The following CNTNAP2 variants were observed in gnomAD, a reference collection of about 807,000 sequenced individuals.
CNTNAP2 encodes the protein contactin-associated protein-like 2.
CNTNAP2 carries 98 observed loss-of-function variants against 155.2 expected under a neutral mutation model. The observed-to-expected ratio is 0.63, with a 90% CI of 0.54 to 0.75. The LOEUF is 0.75. CNTNAP2 is among the 30% of genes least tolerant of loss of function. CNTNAP2 has a pLI of 0.00. For synonymous variants in CNTNAP2, 651 were observed against 631.2 expected, an observed-to-expected ratio of 1.03 and a Z score of -0.47; for missense variants, 1,727 against 1,688.1, an observed-to-expected ratio of 1.02 and a Z score of -0.40.
intron 1 of CNTNAP2, among the ~76,000 whole-genome samples, chr7:146,707,348 G>A (rs969617131): frequency 1.3e-5 from 2 of 152,164 alleles, no homozygotes; most frequent in Admixed American, 6.5e-5. Context: ...ATTGTCTTCA[G>A]TATAACCTTC....
intron 15 of CNTNAP2, among the ~76,000 whole-genome samples, chr7:148,077,865 G>A (rs1184069106): frequency 2.0e-5 from 3 of 152,092 alleles, no homozygotes; most frequent in Non-Finnish European, 1.5e-5. Context: ...ATAAAATTCA[G>A]CAAGCTTCTG....
At chr7:146,370,431 C>T (rs1249608980) in intron 1 of CNTNAP2, among the ~76,000 whole-genome samples, 1 of 151,514 alleles carries the variant, frequency 6.6e-6, no homozygotes, top group Non-Finnish European at 1.5e-5. Flanking sequence ...GAGCGAGACT[C>T]CTTTTCAAAA....
intron 3 of CNTNAP2, among the ~76,000 whole-genome samples, chr7:146,885,971 G>A (rs921131082): frequency 8.5e-6 from 1 of 118,238 alleles, no homozygotes; most frequent in African/African-American, 3.4e-5. Context: ...GTGTGTGTGT[G>A]TGTATGTGCT....
In CNTNAP2 at chr7:148,233,502, C is replaced by T. The variant is rs187003644; in HGVS notation, c.3381+3723C>T. Reference sequence around the variant, plus strand: ...GAAGTATGCAACCCATAAGGATGAACTAAGCCAGTTCCTCTTGAGAATTGA... The same window carrying T: ...GAAGTATGCAACCCATAAGGATGAATTAAGCCAGTTCCTCTTGAGAATTGA... On this transcript the variant is annotated intron_variant, in intron 20 of 23. Coordinates refer to ENST00000361727, the MANE Select transcript of CNTNAP2 (RefSeq NM_014141.6). Among the ~76,000 whole-genome samples the T allele has an allele frequency of 7.2e-5, 11 of 152,312 alleles. No individual in the cohort carries two copies. In the East Asian group the frequency reaches 9.6e-4, roughly 13 times the overall value.
At chr7:146,273,085 A>AG (rs1491469672) in intron 1 of CNTNAP2, among the ~76,000 whole-genome samples, 8,532 of 141,972 alleles carry the variant, frequency 0.06, 772 homozygotes, top group African/African-American at 0.22. Context: ...AGAGAAAGAG[A>AG]AAGAGAGAGA....
intron 4 of CNTNAP2, among the ~76,000 whole-genome samples, chr7:147,084,757 G>T (rs1197254776): frequency 1.4e-5 from 2 of 147,090 alleles, no homozygotes; most frequent in Non-Finnish European, 3.0e-5. Context: ...TATAATATGT[G>T]ATATATGATA....
At chr7:146,164,838 C>G (rs960859266) in intron 1 of CNTNAP2, among the ~76,000 whole-genome samples, 2 of 152,098 alleles carry the variant, frequency 1.3e-5, no homozygotes, top group African/African-American at 4.8e-5. Flanking sequence ...TAGATCTCAT[C>G]TTTCTGGGAG....
chr7:146,390,543 A>G (rs1364756119), intron 1 of CNTNAP2, among the ~76,000 whole-genome samples: 4 of 151,008 alleles, frequency 2.6e-5, no homozygotes, highest in East Asian at 3.9e-4. Flanking sequence ...ATATATGTAT[A>G]TATATACACA....
chr7:148,118,163 T>C lies in CNTNAP2; in HGVS notation c.2429T>C (p.Leu810Pro). 1 of 1,614,216 alleles carries C rather than the reference T, an allele frequency of 6.2e-7. No individual in the cohort carries two copies. Among genetic ancestry groups the C allele is most frequent in the Non-Finnish European group, 8.5e-7 (1 of 1,180,032 alleles). The change falls in exon 16 of 24, where the codon CTG (leucine) becomes CCG (proline). Residue 810 changes from leucine to proline, a missense_variant. Coordinates refer to ENST00000361727, the MANE Select transcript of CNTNAP2 (RefSeq NM_014141.6). Reference sequence around the variant, plus strand: ...TCTTTCCCAAACCCATCCTCCTACCTGCACTTCTCTACTTTCCAAGGGGAA... The same window carrying C: ...TCTTTCCCAAACCCATCCTCCTACCCGCACTTCTCTACTTTCCAAGGGGAA... ...AASFPNPSSY[L>P]HFSTFQGETS...
intron 1 of CNTNAP2, among the ~76,000 whole-genome samples, chr7:146,161,949 G>A (rs1441875899): frequency 6.6e-6 from 1 of 152,104 alleles, no homozygotes; most frequent in Non-Finnish European, 1.5e-5. Context: ...TGGGAAAACT[G>A]GCTAGCCATA....
intron 1 of CNTNAP2, among the ~76,000 whole-genome samples, chr7:146,271,188 G>A (rs940520002): frequency 8.6e-5 from 13 of 151,846 alleles, no homozygotes; most frequent in Non-Finnish European, 1.5e-4. Context: ...TCTAAAAATC[G>A]TATTTAGTCA....
intron 15 of CNTNAP2, among the ~76,000 whole-genome samples, chr7:148,052,288 AT>A (rs1802907368): frequency 6.6e-6 from 1 of 151,496 alleles, no homozygotes; most frequent in Non-Finnish European, 1.5e-5. Flanking sequence ...ATACATTGAT[AT>A]AAAAATCATA....
intron 9 of CNTNAP2, among the ~76,000 whole-genome samples, chr7:147,372,986 C>T (rs952381135): frequency 6.6e-6 from 1 of 152,056 alleles, no homozygotes; most frequent in South Asian, 2.1e-4. Context: ...CACATTCTTT[C>T]CTATATTTGT....
At chr7:146,554,545 C>T (rs576572027) in intron 1 of CNTNAP2, among the ~76,000 whole-genome samples, 13 of 152,190 alleles carry the variant, frequency 8.5e-5, no homozygotes, top group Non-Finnish European at 1.6e-4. Context: ...TTTCTGAAAT[C>T]TCCTCTATTC....
At chr7:146,603,268 C>T (rs1380049043) in intron 1 of CNTNAP2, among the ~76,000 whole-genome samples, 6 of 150,788 alleles carry the variant, frequency 4.0e-5, no homozygotes, top group East Asian at 2.0e-4. Context: ...AAACATTAGC[C>T]GGGCGTGGTG....
rs561095592 is a variant in CNTNAP2, at chr7:147,514,160, C to A, written c.1777+28119C>A. 9.9e-5 allele frequency among the ~76,000 whole-genome samples: 15 copies of A among 152,080 alleles called. 1 individual carries two copies. The South Asian group carries it at 2.7e-3, about 27-fold the overall frequency. On this transcript the variant is annotated intron_variant, in intron 11 of 23. Transcript: ENST00000361727. Reference sequence around the variant, plus strand: ...TGACAGTAGGCTTTGCTACTATATCCCCATAATCACAGTCATAATGTATTA... The same window carrying A: ...TGACAGTAGGCTTTGCTACTATATCACCATAATCACAGTCATAATGTATTA...
chr7:148,326,045 C>CG (rs954820964), intron 21 of CNTNAP2, among the ~76,000 whole-genome samples: 3 of 152,160 alleles, frequency 2.0e-5, no homozygotes, highest in African/African-American at 7.2e-5. Context: ...TCAACCCTTA[C>CG]TGCAAATTAC....
rs964173450 is a variant in CNTNAP2 at position 148,364,218 on chromosome 7, C to G, written c.3476-19431C>G. On this transcript the variant is annotated intron_variant, in intron 21 of 23. Transcript: ENST00000361727. Reference sequence around the variant, plus strand: ...GAGCGCACGGTGCAGGACTGGCGGGCAGCTCCACCTGCAGCCCCAGTGCGG... The same window carrying G: ...GAGCGCACGGTGCAGGACTGGCGGGGAGCTCCACCTGCAGCCCCAGTGCGG... 3.3e-5 allele frequency among the ~76,000 whole-genome samples: 5 copies of G among 152,344 alleles called. No homozygotes were observed. The South Asian group carries it at 8.3e-4, about 25-fold the overall frequency.
At chr7:147,841,488 A>G (rs1377838992) in intron 13 of CNTNAP2, among the ~76,000 whole-genome samples, 2 of 152,208 alleles carry the variant, frequency 1.3e-5, no homozygotes, top group East Asian at 3.9e-4. Flanking sequence ...AGGTGCTACA[A>G]GGTGTGCAAA....
Sources: allele counts gnomAD v4.1 joint callset (sites outside exome capture counted in the v4.1 genomes callset), GRCh38; gene constraint gnomAD v4.1.1; transcripts MANE v1.5; gene names NCBI Gene and HGNC (gene_info 2026-07-23, HGNC 2026-07-21).